The following CSMD1 variants were observed in gnomAD, a reference collection of about 807,000 sequenced individuals.
CSMD1 encodes CUB and sushi domain-containing protein 1.
CSMD1 carries 213 observed loss-of-function variants against 417.5 expected under a neutral mutation model. The ratio of observed to expected loss-of-function variants is 0.51; its 90% CI spans 0.46 to 0.57. The LOEUF is 0.57. Ranked by LOEUF, CSMD1 falls within the 20% of genes least tolerant of loss-of-function variation. The pLI, the probability that CSMD1 is intolerant of heterozygous loss-of-function variation, is 0.00. For missense variants in CSMD1, 6,923 were observed against 4,529.7 expected (o/e 1.53, Z -15.17); for synonymous variants, 2,862 against 1,736.8 (o/e 1.65, Z -16.11).
At chr8:3,983,713 G>A (rs1814085763) in intron 5 of CSMD1, among the ~76,000 whole-genome samples, 5 of 152,336 alleles carry the variant, frequency 3.3e-5, no homozygotes, top group South Asian at 2.1e-4. Flanking sequence ...GGGGGCCATT[G>A]CTAAGTATGG....
chr8:4,748,509 G>C (rs1269425080), intron 1 of CSMD1, among the ~76,000 whole-genome samples: 3 of 152,132 alleles, frequency 2.0e-5, no homozygotes, highest in African/African-American at 4.8e-5. Context: ...TTCCTTGTTA[G>C]TTTCTTTGTA....
rs12682176 is a variant in CSMD1 at position 3,300,792 on chromosome 8, C to G, written c.3950+6903G>C. On this transcript the variant is annotated intron_variant, in intron 25 of 69. Transcript: ENST00000635120. ...GCAACAGGGCGAAACCCCGTGTCTA[C>G]TAAAAATACAAAAAAAATTAGCTGG... Among the ~76,000 whole-genome samples the G allele has an allele frequency of 1.9e-4, 28 of 149,186 alleles. No individual in the cohort carries two copies. In the East Asian group the frequency reaches 5.1e-3, roughly 27 times the overall value.
At chr8:4,590,392 G>A (rs566443488) in intron 2 of CSMD1, among the ~76,000 whole-genome samples, 1 of 152,234 alleles carries the variant, frequency 6.6e-6, no homozygotes, top group South Asian at 2.1e-4. Context: ...CGAAGATACT[G>A]AAAGGACTTT....
At chr8:4,654,304 A>G (rs1208150721) in intron 1 of CSMD1, among the ~76,000 whole-genome samples, 5 of 152,114 alleles carry the variant, frequency 3.3e-5, no homozygotes, top group Non-Finnish European at 7.3e-5. Flanking sequence ...GAAAGGATAT[A>G]AATGGTTCAG....
In CSMD1 at chr8:4,476,773, G is replaced by A. The variant is rs539477046; in HGVS notation, c.303-56708C>T. Among the ~76,000 whole-genome samples the A allele has an allele frequency of 2.6e-5, 4 of 152,244 alleles. No homozygotes were observed. The East Asian group carries it at 7.7e-4, about 29-fold the overall frequency. The stretch of plus-strand genomic sequence containing the variant: ...GTTTGTTCATATGTAAGGATTAGAT[G>A]GCACAGAGAGCACCTGACACATGAA... On this transcript the variant is annotated intron_variant, in intron 2 of 69. Transcript: ENST00000635120.
At chr8:3,239,534 A>T (rs544647642) in intron 26 of CSMD1, among the ~76,000 whole-genome samples, 7 of 152,206 alleles carry the variant, frequency 4.6e-5, no homozygotes, top group Non-Finnish European at 1.0e-4. Flanking sequence ...AGTCTTGGGC[A>T]GGGGCAAATC....
At chr8:4,077,963 G>C (rs1015823998) in intron 3 of CSMD1, among the ~76,000 whole-genome samples, 1 of 152,068 alleles carries the variant, frequency 6.6e-6, no homozygotes, top group African/African-American at 2.4e-5. Context: ...CCCTGCATGT[G>C]TGTCCCCAGG....
rs1428542258 is a variant in CSMD1, at chr8:3,459,606, G to C, written c.1561+9106C>G. 2.0e-5 allele frequency among the ~76,000 whole-genome samples: 3 copies of C among 152,246 alleles called. No individual in the cohort carries two copies. In the South Asian group the frequency reaches 6.2e-4, roughly 32 times the overall value. On this transcript the variant is annotated intron_variant, in intron 12 of 69. Transcript: ENST00000635120. Reference sequence around the variant, plus strand: ...CAACAGGGGAATTCAACCAATAGCAGCAGAGCACCCACCACTGAAGGGTAA... The same window carrying C: ...CAACAGGGGAATTCAACCAATAGCACCAGAGCACCCACCACTGAAGGGTAA...
chr8:4,258,787 A>G (rs1289256232), intron 3 of CSMD1, among the ~76,000 whole-genome samples: 1 of 152,130 alleles, frequency 6.6e-6, no homozygotes, highest in Non-Finnish European at 1.5e-5. Flanking sequence ...AACCAGCTGA[A>G]TATTTAGAGG....
intron 36 of CSMD1, 151 bp downstream of exon 36, chr8:3,187,718 C>G (rs1585596942): frequency 1.7e-6 from 1 of 602,966 alleles, no homozygotes; most frequent in East Asian, 2.9e-5. Context: ...GATGGTCTTA[C>G]TCTAAGACTT....
intron 3 of CSMD1, among the ~76,000 whole-genome samples, chr8:4,152,622 C>A (rs1375969388): frequency 2.6e-5 from 4 of 151,708 alleles, no homozygotes; most frequent in Non-Finnish European, 5.9e-5. Context: ...CCTAGGAGGT[C>A]AAGGCTGCAA....
chr8:4,935,820 C>T (rs1195187272), intron 1 of CSMD1, among the ~76,000 whole-genome samples: 4 of 152,206 alleles, frequency 2.6e-5, no homozygotes, highest in Non-Finnish European at 5.9e-5. Flanking sequence ...AGAGAGTGCT[C>T]GGCCTGCTGT....
At chr8:4,350,686 A>G (rs774633773) in intron 3 of CSMD1, among the ~76,000 whole-genome samples, 1 of 152,224 alleles carries the variant, frequency 6.6e-6, no homozygotes, top group Non-Finnish European at 1.5e-5. Flanking sequence ...ATTTTTCATC[A>G]CTGATGTCAA....
chr8:3,954,474 C>G (rs555953650), intron 5 of CSMD1, among the ~76,000 whole-genome samples: 2 of 152,296 alleles, frequency 1.3e-5, no homozygotes, highest in South Asian at 2.1e-4. Context: ...TCAGGCGATT[C>G]TGCTGCCTCA....
At chr8:4,516,044 C>T (rs924733821) in intron 2 of CSMD1, among the ~76,000 whole-genome samples, 2 of 152,140 alleles carry the variant, frequency 1.3e-5, no homozygotes, top group Non-Finnish European at 2.9e-5. Context: ...GTTCTGTCTT[C>T]CCAAAACTGC....
chr8:3,293,573 C>T (rs150683397), intron 25 of CSMD1, among the ~76,000 whole-genome samples: 2,924 of 152,180 alleles, frequency 0.019, 40 homozygotes, highest in East Asian at 0.03. Context: ...TCATTTCATT[C>T]ATTTCATCTT....
chr8:4,302,187 A>G (rs1437332615), intron 3 of CSMD1, among the ~76,000 whole-genome samples: 1 of 152,200 alleles, frequency 6.6e-6, no homozygotes, highest in South Asian at 2.1e-4. Context: ...CTTGAGGGGT[A>G]CCTAATAAAA....
At chr8:4,398,665 G>A (rs555155138) in intron 3 of CSMD1, among the ~76,000 whole-genome samples, 1 of 152,100 alleles carries the variant, frequency 6.6e-6, no homozygotes, top group East Asian at 1.9e-4. Context: ...AAAGTGCTGG[G>A]ATTACAGGCA....
At chr8:4,610,975 G>C (rs1471542526) in intron 2 of CSMD1, among the ~76,000 whole-genome samples, 4 of 152,154 alleles carry the variant, frequency 2.6e-5, no homozygotes, top group African/African-American at 9.7e-5. Context: ...CTTAGTATCT[G>C]CATCCTTTCC....
Sources: gnomAD v4.1 joint callset for allele counts (sites outside exome capture counted in the v4.1 genomes callset) on GRCh38, gnomAD v4.1.1 for gene constraint, MANE v1.5 for transcripts, NCBI Gene and HGNC (gene_info 2026-07-23, HGNC 2026-07-21) for gene names.